Variants in IFT57 observed in about 807,000 individuals in gnomAD.
IFT57 encodes intraflagellar transport 57.
A neutral mutation model predicts 56.8 loss-of-function variants in IFT57; 59 were observed. The observed-to-expected ratio is 1.04, with a 90% CI of 0.84 to 1.29. The LOEUF (loss-of-function observed/expected upper bound fraction) is 1.29. Among genes scored for constraint, IFT57 ranks in the 50% most tolerant of loss-of-function variants. IFT57 has a pLI of 0.00. For missense variants in IFT57, 470 were observed against 522.1 expected (o/e 0.90, Z 0.97); for synonymous variants, 209 against 186.1 (o/e 1.12, Z -1.00).
At chr3:108,183,832 A>G (rs1471171309) in intron 6 of IFT57, among the ~76,000 whole-genome samples, 1 of 152,190 alleles carries the variant, frequency 6.6e-6, no homozygotes, top group East Asian at 1.9e-4. Flanking sequence ...ATTTAAAATT[A>G]ATCAAAATTA....
chr3:108,167,213 T>C, intron 7 of IFT57: 1 of 457,266 alleles, frequency 2.2e-6, no homozygotes, highest in Non-Finnish European at 3.9e-6. Flanking sequence ...GTCAATTCAT[T>C]TGTCATTATA....
At chr3:108,203,303 T>C (rs1245927705) in intron 5 of IFT57, among the ~76,000 whole-genome samples, 1 of 152,230 alleles carries the variant, frequency 6.6e-6, no homozygotes, top group African/African-American at 2.4e-5. Flanking sequence ...CTAATAAACA[T>C]CTTGCACTCC....
At chr3:108,173,832 C>G (rs1399020510) in intron 6 of IFT57, among the ~76,000 whole-genome samples, 1 of 121,890 alleles carries the variant, frequency 8.2e-6, no homozygotes, top group Non-Finnish European at 1.6e-5. Flanking sequence ...ATATTATATA[C>G]AGTAATATTA....
intron 6 of IFT57, 25 bp from the exon 7 acceptor site, chr3:108,167,889 T>C: frequency 6.6e-7 from 1 of 1,524,162 alleles, no homozygotes. Context: ...CACATAGAAA[T>C]AATGTAAAAA....
At chr3:108,169,891 C>CA (rs2108309050) in intron 6 of IFT57, among the ~76,000 whole-genome samples, 1 of 152,098 alleles carries the variant, frequency 6.6e-6, no homozygotes, top group Non-Finnish European at 1.5e-5. Context: ...GAACCAGTGA[C>CA]AAAAACCACA....
At position 108,173,808 on chromosome 3, in the gene IFT57, G is replaced by GTGTGTGTGTGTGTGTA. The variant is rs771647277; in HGVS notation, c.778-5945_778-5944insTACACACACACACACA. ...TGTGTGTGTGTGTGTGTGTGTGTGT[G>GTGTGTGTGTGTGTGTA]TATATAATATAGTATATTATATACA... is the stretch of plus-strand genomic sequence containing the variant. On this transcript the variant is annotated intron_variant, in intron 6 of 10. Coordinates refer to ENST00000264538, the MANE Select transcript of IFT57 (RefSeq NM_018010.4). Among the ~76,000 whole-genome samples the GTGTGTGTGTGTGTGTA allele has an allele frequency of 1.8e-3, 227 of 127,080 alleles. 1 individual carries two copies. Among genetic ancestry groups the GTGTGTGTGTGTGTGTA allele is most frequent in the African/African-American group, 6.5e-3 (212 of 32,400 alleles). The allele number at this position is 127,080 out of a possible 152,430, so 83.4% of individuals were successfully genotyped here. A position where few individuals can be genotyped will look rare whatever the true frequency, so the allele number is the denominator to read the frequency against.
chr3:108,208,690 A>G (rs987010576), intron 4 of IFT57, among the ~76,000 whole-genome samples: 1 of 152,192 alleles, frequency 6.6e-6, no homozygotes, highest in Non-Finnish European at 1.5e-5. Context: ...CAAAAGGAAG[A>G]ATTCTTCAAC....
At chr3:108,207,403 T>C (rs1293188214) in intron 4 of IFT57, among the ~76,000 whole-genome samples, 1 of 152,150 alleles carries the variant, frequency 6.6e-6, no homozygotes, top group Non-Finnish European at 1.5e-5. Context: ...GGACAAAACA[T>C]GAGCTCCCCT....
intron 3 of IFT57, among the ~76,000 whole-genome samples, chr3:108,215,562 C>A (rs2080367350): frequency 6.6e-6 from 1 of 151,620 alleles, no homozygotes; most frequent in Non-Finnish European, 1.5e-5. Context: ...ATGCCTCAAT[C>A]ATGTTAAAAA....
chr3:108,177,410 A>T (rs1312346189), intron 6 of IFT57, among the ~76,000 whole-genome samples: 1 of 151,842 alleles, frequency 6.6e-6, no homozygotes, highest in Non-Finnish European at 1.5e-5. Flanking sequence ...CCTAAAAACA[A>T]ACAAAAATTA....
intron 5 of IFT57, among the ~76,000 whole-genome samples, chr3:108,193,127 A>G (rs2080225262): frequency 6.6e-6 from 1 of 152,208 alleles, no homozygotes; most frequent in Non-Finnish European, 1.5e-5. Flanking sequence ...CTCAATATAT[A>G]TTTATGTCAC....
At chr3:108,198,473 G>A (rs771207942) in intron 5 of IFT57, among the ~76,000 whole-genome samples, 6 of 151,978 alleles carry the variant, frequency 3.9e-5, no homozygotes, top group Admixed American at 6.6e-5. Context: ...ACAGGGTCTC[G>A]CTCTGTCACC....
intron 5 of IFT57, among the ~76,000 whole-genome samples, chr3:108,205,009 C>A (rs1393855774): frequency 6.6e-6 from 1 of 152,066 alleles, no homozygotes; most frequent in Non-Finnish European, 1.5e-5. Context: ...TAAATTTTAA[C>A]ATATTATTCT....
intron 2 of IFT57, among the ~76,000 whole-genome samples, chr3:108,218,966 G>T (rs1006783538): frequency 6.6e-6 from 1 of 152,132 alleles, no homozygotes; most frequent in Non-Finnish European, 1.5e-5. Context: ...TTTAAGGACA[G>T]AGTGATTCAC....
chr3:108,192,162 G>T (rs1209169466), intron 5 of IFT57, among the ~76,000 whole-genome samples: 2 of 110,420 alleles, frequency 1.8e-5, no homozygotes, highest in Admixed American at 1.1e-4. Context: ...GTGACAGAGC[G>T]AGACTCTGTC....
chr3:108,199,739 T>C (rs1356132407), intron 5 of IFT57, among the ~76,000 whole-genome samples: 2 of 152,220 alleles, frequency 1.3e-5, no homozygotes, highest in African/African-American at 4.8e-5. Context: ...TCCTCACGAA[T>C]AAAACATGCT....
At chr3:108,210,561 A>G (rs2080338348) in intron 4 of IFT57, among the ~76,000 whole-genome samples, 3 of 151,706 alleles carry the variant, frequency 2.0e-5, no homozygotes, top group Admixed American at 2.0e-4. Context: ...TCAAACTCCT[A>G]CCCTCAAGTG....
Position 108,207,974 on chromosome 3 carries a change from C to T in IFT57, c.586-1278G>A, listed in dbSNP as rs367649686. ...AGGAGAATAGCATGAACCCAGGAGG[C>T]GGAGCTTGCAATGAGCCGAGATTGT... On this transcript the variant is annotated intron_variant, in intron 4 of 10. Coordinates refer to ENST00000264538, the MANE Select transcript of IFT57 (RefSeq NM_018010.4). Among the ~76,000 whole-genome samples the T allele has an allele frequency of 6.2e-3, 915 of 148,522 alleles. 12 individuals carry two copies. Among genetic ancestry groups the T allele is most frequent in the African/African-American group, 0.021 (849 of 40,354 alleles).
chr3:108,170,744 TCAAACTATGCTA>T (rs1253634072), intron 6 of IFT57, among the ~76,000 whole-genome samples: 12 of 150,118 alleles, frequency 8.0e-5, no homozygotes, highest in Non-Finnish European at 1.8e-4. Flanking sequence ...CTACTTGACT[TCAAACTATGCTA>T]CAAGGCTACA....
Sources: allele counts gnomAD v4.1 joint callset (sites outside exome capture counted in the v4.1 genomes callset), GRCh38; gene constraint gnomAD v4.1.1; transcripts MANE v1.5; gene names NCBI Gene and HGNC (gene_info 2026-07-23, HGNC 2026-07-21).